ARVCF: variants seen among roughly 807,000 people sequenced by gnomAD.
The protein encoded by ARVCF is splicing regulator ARVCF.
In ARVCF, 66 loss-of-function variants were observed where a neutral mutation model predicts 90.9. The observed-to-expected ratio is 0.73, with a 90% CI of 0.60 to 0.89. The LOEUF (loss-of-function observed/expected upper bound fraction) is 0.89. Ranked by LOEUF, ARVCF falls within the 40% of genes least tolerant of loss-of-function variation. The probability of loss-of-function intolerance (pLI) is 0.00; values close to 1 mark genes in which losing one functional copy is unlikely to be tolerated. For synonymous variants in ARVCF, 653 were observed against 603.4 expected, an observed-to-expected ratio of 1.08 and a Z score of -1.21; for missense variants, 1,469 against 1,382.3, an observed-to-expected ratio of 1.06 and a Z score of -1.00.
chr22:19,985,794 G>C (rs942265336), intron 3 of ARVCF, among the ~76,000 whole-genome samples: 3 of 152,260 alleles, frequency 2.0e-5, no homozygotes, highest in East Asian at 1.9e-4. Flanking sequence ...AGCACACACA[G>C]AGAATGAGTT....
In ARVCF at chr22:19,977,946, G is replaced by A. The variant is rs181970095; in HGVS notation, c.1698+12C>T. On this transcript the variant is annotated intron_variant, in intron 8 of 19. Transcript: ENST00000263207. The stretch of plus-strand genomic sequence containing the variant: ...CAGCCCTTGGTATGAGGCTGTGACC[G>A]TCCCTGCCCACCTTGTTGTCAGTGT... 5.1e-4 allele frequency: 820 copies of A among 1,595,198 alleles called. 5 individuals carry two copies. Among genetic ancestry groups the A allele is most frequent in the South Asian group, 1.7e-3 (155 of 88,702 alleles).
At chr22:19,995,062 T>G (rs901322646) in intron 2 of ARVCF, among the ~76,000 whole-genome samples, 11 of 151,244 alleles carry the variant, frequency 7.3e-5, no homozygotes. Flanking sequence ...TACAGATGAA[T>G]GGATGGATGA....
intron 10 of ARVCF, among the ~76,000 whole-genome samples, chr22:19,976,100 G>A (rs1943140273): frequency 6.6e-6 from 1 of 152,130 alleles, no homozygotes; most frequent in Non-Finnish European, 1.5e-5. Flanking sequence ...GATGGTAGGT[G>A]GATACAAGCC....
At position 19,981,225 on chromosome 22, in the gene ARVCF, C is replaced by T. The variant is rs1943474663; in HGVS notation, c.882G>A (p.Arg294=). ...GTGCAGCTCACCTGGTATGAAGGCC[C>T]CGCCCACACTCAGGCCTCCTCCTTG... is the stretch of plus-strand genomic sequence containing the variant. ...TATRRRPECG[R]GLHTRAYEDT... Residue 294 remains arginine (R), a synonymous_variant, in exon 5 of 20, where the codon CGG becomes CGA. Transcript: ENST00000263207. 1 of 1,545,610 alleles carries T rather than the reference C, an allele frequency of 6.5e-7. No individual in the cohort carries two copies. The highest frequency in any genetic ancestry group is 8.7e-7 in the Non-Finnish European group (1 of 1,144,392).
intron 2 of ARVCF, among the ~76,000 whole-genome samples, chr22:19,997,877 G>C (rs772036548): frequency 5.9e-5 from 9 of 152,250 alleles, no homozygotes; most frequent in Non-Finnish European, 1.0e-4. Context: ...ACCGGGACGG[G>C]CACCCACCCC....
At chr22:19,996,931 T>C (rs1944275801) in intron 2 of ARVCF, among the ~76,000 whole-genome samples, 1 of 152,210 alleles carries the variant, frequency 6.6e-6, no homozygotes, top group South Asian at 2.1e-4. Context: ...CCCCAGGCTG[T>C]CCACATGCTC....
intron 1 of ARVCF, among the ~76,000 whole-genome samples, chr22:20,016,270 C>T (rs1161612500): frequency 6.6e-6 from 1 of 152,046 alleles, no homozygotes; most frequent in Non-Finnish European, 1.5e-5. Context: ...GCTGCGGGGT[C>T]GGGCCGCGCT....
rs1945208343 is a variant in ARVCF, at chr22:20,016,747, G to GCCGC, written c.-235_-232dup. On this transcript the variant is annotated 5_prime_UTR_variant, in exon 1 of 20. Transcript: ENST00000263207. ...GGCCGCAACTCGGACCGGTGCGGGGGCCGCCCCCTCCCTCCAGGCCCAGCG... is the reference window on the plus strand; with the variant it reads ...GGCCGCAACTCGGACCGGTGCGGGGGCCGCCCGCCCCCTCCCTCCAGGCCCAGCG... 6.6e-6 allele frequency: 1 copy of GCCGC among 151,212 alleles called. No individual in the cohort carries two copies. Among genetic ancestry groups the GCCGC allele is most frequent in the South Asian group, 2.1e-4 (1 of 4,830 alleles). 9.4% of individuals were successfully genotyped at this position (151,212 alleles called of 1,614,324 possible). A position where few individuals can be genotyped will look rare whatever the true frequency, so the allele number is the denominator to read the frequency against.
intron 11 of ARVCF, 134 bp from the exon 12 acceptor site, chr22:19,974,373 A>T (rs899883061): frequency 3.7e-6 from 4 of 1,083,470 alleles, no homozygotes; most frequent in African/African-American, 3.2e-5. Flanking sequence ...TGAGTCACGT[A>T]ATATTTACTA....
chr22:20,010,658 C>G (rs1944792882), intron 1 of ARVCF, 150 bp from the exon 2 acceptor site: 1 of 152,338 alleles, frequency 6.6e-6, no homozygotes, highest in Non-Finnish European at 1.5e-5. Flanking sequence ...CTCATAACCA[C>G]ACACTCATGT....
chr22:19,970,587 T>TG lies in ARVCF; in HGVS notation c.*168dup, dbSNP rs1012912443. The TG allele has an allele frequency of 8.2e-5, 37 of 452,280 alleles. No individual in the cohort carries two copies. Among genetic ancestry groups the TG allele is most frequent in the African/African-American group, 2.5e-4 (6 of 24,062 alleles). The allele number at this position is 452,280 out of a possible 1,614,324, so 28.0% of individuals were successfully genotyped here. On this transcript the variant is annotated 3_prime_UTR_variant, in exon 20 of 20. Transcript: ENST00000263207. Reference sequence around the variant, plus strand: ...GTTAGGTAGGATGGGGGGAGTGGGGTGGGGGGGCAGGAGGGTGTCCCCAAA... The same window carrying TG: ...GTTAGGTAGGATGGGGGGAGTGGGGTGGGGGGGGCAGGAGGGTGTCCCCAAA...
rs774446606 is a variant in ARVCF at position 19,979,901 on chromosome 22, C to T, written c.1238G>A (p.Arg413Gln). 1.4e-5 allele frequency: 23 copies of T among 1,600,452 alleles called. No individual in the cohort carries two copies. The highest frequency in any genetic ancestry group is 4.0e-5 in the African/African-American group (3 of 74,686). Residue 413 changes from arginine to glutamine, a missense_variant, in exon 6 of 20, where the codon CGG becomes CAG. By Grantham distance (43) the Arg-to-Gln change is conservative. Transcript: ENST00000263207. The stretch of plus-strand genomic sequence containing the variant: ...ACAGGCCCGGCGCCGCACCTCAGCC[C>T]GCGGGTGGTCCAGCAGTGCCACAAG... ...PLLVALLDHP[R>Q]AEVRRRACGA... is the part of the protein sequence containing the mutation.
intron 3 of ARVCF, among the ~76,000 whole-genome samples, chr22:19,988,568 G>T (rs1943907688): frequency 6.6e-6 from 1 of 152,220 alleles, no homozygotes; most frequent in Non-Finnish European, 1.5e-5. Flanking sequence ...AGGTAGCCAG[G>T]ACCCTGGAGC....
At chr22:19,997,969 A>G (rs891559629) in intron 2 of ARVCF, among the ~76,000 whole-genome samples, 1 of 152,222 alleles carries the variant, frequency 6.6e-6, no homozygotes, top group African/African-American at 2.4e-5. Flanking sequence ...AGGCCCAGAC[A>G]TGGAGCTGAG....
rs976415059 is a variant in ARVCF, at chr22:19,970,733, G to A, written c.*23C>T. ...ATCCAAGCCCTAAGAACAAGAGGCT[G>A]GGCCTGGGCCCTGCAGAGGGAAAGG... is the stretch of plus-strand genomic sequence containing the variant. On this transcript the variant is annotated 3_prime_UTR_variant, in exon 20 of 20. Coordinates refer to ENST00000263207, the MANE Select transcript of ARVCF (RefSeq NM_001670.3). 2.3e-6 allele frequency: 3 copies of A among 1,287,088 alleles called. No individual in the cohort carries two copies. Among genetic ancestry groups the A allele is most frequent in the Non-Finnish European group, 3.0e-6 (3 of 988,296 alleles). The allele number at this position is 1,287,088 out of a possible 1,614,324, so 79.7% of individuals were successfully genotyped here.
intron 2 of ARVCF, among the ~76,000 whole-genome samples, chr22:19,993,124 G>A (rs1418825439): frequency 2.0e-5 from 3 of 152,244 alleles, no homozygotes; most frequent in East Asian, 1.9e-4. Context: ...TGCCCCAGCC[G>A]CAGGGTGCAC....
chr22:20,007,297 G>C (rs1282896978), intron 2 of ARVCF, among the ~76,000 whole-genome samples: 1 of 152,214 alleles, frequency 6.6e-6, no homozygotes, highest in Non-Finnish European at 1.5e-5. Context: ...AGCTACTCGG[G>C]AGGTTGAGGC....
chr22:20,003,153 C>T (rs1944502170), intron 2 of ARVCF, among the ~76,000 whole-genome samples: 1 of 152,098 alleles, frequency 6.6e-6, no homozygotes, highest in Non-Finnish European at 1.5e-5. Flanking sequence ...CCTAGAAACA[C>T]ACAACCTACC....
At chr22:19,996,736 C>T (rs1417297228) in intron 2 of ARVCF, among the ~76,000 whole-genome samples, 1 of 152,194 alleles carries the variant, frequency 6.6e-6, no homozygotes, top group Non-Finnish European at 1.5e-5. Flanking sequence ...AAACCAGATA[C>T]CCTCCCCACC....
Sources: gnomAD v4.1 joint callset for allele counts (sites outside exome capture counted in the v4.1 genomes callset) on GRCh38, gnomAD v4.1.1 for gene constraint, MANE v1.5 for transcripts, NCBI Gene and HGNC (gene_info 2026-07-23, HGNC 2026-07-21) for gene names.